The following SRRM2 variants were observed in gnomAD, a reference collection of about 807,000 sequenced individuals.
SRRM2 encodes serine/arginine repetitive matrix 2.
In SRRM2, 30 loss-of-function variants were observed where a neutral mutation model predicts 213.8. That is an observed-to-expected ratio of 0.14 (90% CI 0.10 to 0.19). The LOEUF is 0.19. Ranked by LOEUF, SRRM2 falls within the 10% of genes least tolerant of loss-of-function variation. SRRM2 has a pLI of 1.00. For synonymous variants in SRRM2, 2,025 were observed against 1,377.7 expected (o/e 1.47, Z -10.40); for missense variants, 4,904 against 3,647.0 (o/e 1.34, Z -8.88).
In SRRM2 at chr16:2,756,358, C is replaced by T. The variant is rs1178094599; in HGVS notation, c.-7C>T. ...GGAGCGGTGGTGCCCCCCCCGGGCA[C>T]GGGGCCATGTACAACGGGATCGGGC... On this transcript the variant is annotated 5_prime_UTR_variant, in exon 2 of 15. In the 5' UTR this introduces an upstream ATG that the reference lacks. Transcript: ENST00000301740. 3 of 1,595,186 alleles carry T rather than the reference C, an allele frequency of 1.9e-6. No homozygotes were observed. The highest frequency in any genetic ancestry group is 1.1e-5 in the South Asian group (1 of 89,824).
chr16:2,771,125 G>T lies in SRRM2; in HGVS notation c.*258G>T. 1 of 619,578 alleles carries T rather than the reference G, an allele frequency of 1.6e-6. No individual in the cohort carries two copies. The allele number at this position is 619,578 out of a possible 1,614,324, so 38.4% of individuals were successfully genotyped here. A position where few individuals can be genotyped will look rare whatever the true frequency, so the allele number is the denominator to read the frequency against. ...TGCAGATGGGAGTTGGGGGAGGGGA[G>T]GATACAGTTCAGGATACCCCAGCCT... On this transcript the variant is annotated 3_prime_UTR_variant, in exon 15 of 15. Transcript: ENST00000301740.
chr16:2,761,444 G>A, intron 10 of SRRM2, 117 bp from the exon 11 acceptor site: 1 of 751,700 alleles, frequency 1.3e-6, no homozygotes, highest in East Asian at 2.8e-5. Context: ...GTGATCGCTT[G>A]TGGTCAGAGG....
At chr16:2,760,557 CAT>C (rs746175797) in intron 10 of SRRM2, 58 bp downstream of exon 10, 82 of 1,581,090 alleles carry the variant, frequency 5.2e-5, no homozygotes, top group African/African-American at 1.5e-4. Flanking sequence ...TTAGGATAGA[CAT>C]GTGATGTGAA....
chr16:2,767,080 C>G lies in SRRM2; in HGVS notation c.6552C>G (p.Ala2184=). ...ENHAQSRIAL[A]LTAISLGTAR... The stretch of plus-strand genomic sequence containing the variant: ...ATGCTCAGTCCAGGATTGCACTTGC[C>G]CTGACAGCTATCAGTCTTGGCACCG... The change falls in exon 11 of 15, where the codon GCC becomes GCG. Residue 2184 remains alanine, a synonymous_variant. Transcript: ENST00000301740. The G allele has an allele frequency of 6.2e-7, 1 of 1,614,150 alleles. No homozygotes were observed. Among genetic ancestry groups the G allele is most frequent in the Non-Finnish European group, 8.5e-7 (1 of 1,180,038 alleles).
In SRRM2 at chr16:2,757,947, TATACAAGGCCAAGAA is replaced by T; in HGVS notation, c.515+4_515+18del. 1.9e-6 allele frequency: 3 copies of T among 1,606,482 alleles called. No homozygotes were observed. The highest frequency in any genetic ancestry group is 2.5e-6 in the Non-Finnish European group (3 of 1,176,920). The stretch of plus-strand genomic sequence containing the variant: ...TCCTGAGCCTCCCAAACCTTACAGG[TATACAAGGCCAAGAA>T]ACCACTGTCAGCTTCTTTTCTTGAT... On this transcript the variant is annotated splice_donor_5th_base_variant and intron_variant, in intron 4 of 14. Transcript: ENST00000301740.
intron 1 of SRRM2, among the ~76,000 whole-genome samples, chr16:2,753,088 G>A (rs1295089111): frequency 6.8e-6 from 1 of 146,922 alleles, no homozygotes; most frequent in East Asian, 2.2e-4. Flanking sequence ...GCCTGTACTC[G>A]GGTTCGCGAG....
In SRRM2 at chr16:2,770,921, C is replaced by T. The variant is rs1426988622; in HGVS notation, c.*54C>T. On this transcript the variant is annotated 3_prime_UTR_variant, in exon 15 of 15. Coordinates refer to ENST00000301740, the MANE Select transcript of SRRM2 (RefSeq NM_016333.4). The stretch of plus-strand genomic sequence containing the variant: ...AATGCTCTGGAGCCACAAGGAGTGT[C>T]CCTTCTTCCCCAGCAGAGCCGTGGG... 9 of 1,610,628 alleles carry T rather than the reference C, an allele frequency of 5.6e-6. No homozygotes were observed. Among genetic ancestry groups the T allele is most frequent in the African/African-American group, 1.3e-5 (1 of 74,872 alleles).
rs377144401 is a variant in SRRM2 at position 2,768,166 on chromosome 16, A to G, written c.7638A>G (p.Ser2546=). 3.7e-6 allele frequency: 6 copies of G among 1,609,484 alleles called. No homozygotes were observed. Among genetic ancestry groups the G allele is most frequent in the African/African-American group, 1.3e-5 (1 of 74,486 alleles). The change falls in exon 11 of 15, where the codon TCA becomes TCG. Residue 2546 remains serine (S), a synonymous_variant. Coordinates refer to ENST00000301740, the MANE Select transcript of SRRM2 (RefSeq NM_016333.4). ...SSSSSSSSSS[S]SSSSSSSSSS... ...CGTCCTCTAGCTCCTCCTCTTCTTC[A>G]TCATCGTCGTCGTCGTCCTCCTCCT...
chr16:2,770,266 T>G, intron 12 of SRRM2, 86 bp from the exon 13 acceptor site: 1 of 1,473,406 alleles, frequency 6.8e-7, no homozygotes, highest in Non-Finnish European at 9.0e-7. Context: ...TGAGGTTTGG[T>G]GGTCAGGACC....
chr16:2,766,568 A>T lies in SRRM2; in HGVS notation c.6040A>T (p.Thr2014Ser). 2.5e-6 allele frequency: 4 copies of T among 1,614,090 alleles called. No individual in the cohort carries two copies. Residue 2014 changes from threonine (T) to serine (S), a missense_variant, in exon 11 of 15, where the codon ACA becomes TCA. Transcript: ENST00000301740. This position sits in a 1 kb window ranked among gnomAD's most constrained non-coding sequence, Gnocchi z 7.0. ...GTCCCGCTCTCGAACCTCACCAGTG[A>T]CACGCCGCCGCTCTAGGTCCCGGAC... ...RRSRSRTSPV[T>S]RRRSRSRTPP...
Position 2,758,490 on chromosome 16 carries a change from G to C in SRRM2, c.536G>C (p.Ser179Thr), listed in dbSNP as rs1234839275. ...KPYSLVRESS[S>T]SRSPTPKQKK... ...CCTAGCCTTGTTCGGGAGTCTAGCA[G>C]TTCTCGCTCACCAACCCCAAAGCAG... The change falls in exon 5 of 15, where the codon AGT becomes ACT. Residue 179 changes from serine to threonine, a missense_variant. Transcript: ENST00000301740. 3 of 1,613,984 alleles carry C rather than the reference G, an allele frequency of 1.9e-6. No individual in the cohort carries two copies. Among genetic ancestry groups the C allele is most frequent in the African/African-American group, 2.7e-5 (2 of 74,874 alleles).
In SRRM2 at chr16:2,756,596, G is replaced by A. The variant is rs1280182365; in HGVS notation, c.232G>A (p.Glu78Lys). The change falls in exon 2 of 15, where the codon GAA becomes AAA. Residue 78 changes from glutamate to lysine, a missense_variant. Coordinates refer to ENST00000301740, the MANE Select transcript of SRRM2 (RefSeq NM_016333.4). ...LRCLELEEMM[E>K]EQGYEEQQIQ... The stretch of plus-strand genomic sequence containing the variant: ...ATGCCTCGAGCTGGAGGAGATGATG[G>A]AAGAGCAGGGGTGAGGGAGAGCTGG... 4 of 1,612,750 alleles carry A rather than the reference G, an allele frequency of 2.5e-6. No individual in the cohort carries two copies. Among genetic ancestry groups the A allele is most frequent in the Admixed American group, 3.3e-5 (2 of 59,922 alleles).
Position 2,756,384 on chromosome 16 carries a change from T to A in SRRM2, c.20T>A (p.Leu7Gln). ...GGGGCCATGTACAACGGGATCGGGC[T>A]GCCGACGCCCCGGGGCAGCGGCACC... is the stretch of plus-strand genomic sequence containing the variant. MYNGIG[L>Q]PTPRGSGTNG... Residue 7 changes from leucine to glutamine, a missense_variant, in exon 2 of 15, where the codon CTG (leucine) becomes CAG (glutamine). Physicochemically the swap from Leu to Gln is moderately radical, Grantham distance 113. Transcript: ENST00000301740. The A allele has an allele frequency of 6.2e-7, 1 of 1,607,062 alleles. No homozygotes were observed. Among genetic ancestry groups the A allele is most frequent in the Non-Finnish European group, 8.5e-7 (1 of 1,177,822 alleles).
chr16:2,757,744 T>C (rs372022889), intron 3 of SRRM2, 37 bp from the exon 4 acceptor site: 1 of 1,610,148 alleles, frequency 6.2e-7, no homozygotes, highest in Non-Finnish European at 8.5e-7. Context: ...CTCTGTCCTT[T>C]ATATTTCCTT....
chr16:2,754,567 G>A (rs2068075300), intron 1 of SRRM2, among the ~76,000 whole-genome samples: 1 of 152,142 alleles, frequency 6.6e-6, no homozygotes, highest in South Asian at 2.1e-4. Context: ...AGGTGTTACA[G>A]GCGTGAGCCA....
At chr16:2,758,324 T>TG in intron 4 of SRRM2, 146 bp from the exon 5 acceptor site, 1 of 752,078 alleles carries the variant, frequency 1.3e-6, no homozygotes, top group Non-Finnish European at 2.2e-6. Context: ...TGAGCTGTGT[T>TG]GCTGCCACTG....
rs756626532 is a variant in SRRM2 at position 2,762,435 on chromosome 16, G to A, written c.1907G>A (p.Arg636His). ...CGATCACCAGTACGACGCAGGTCTC[G>A]TAGTAGATCACCAGCCAGGAGAAGT... is the stretch of plus-strand genomic sequence containing the variant. The part of the protein sequence containing the change: ...RTRSPVRRRS[R>H]SRSPARRSGR... Residue 636 changes from arginine (R) to histidine (H), a missense_variant, in exon 11 of 15, where the codon CGT becomes CAT. Arg to His is a conservative substitution (Grantham distance 29). Coordinates refer to ENST00000301740, the MANE Select transcript of SRRM2 (RefSeq NM_016333.4). The A allele has an allele frequency of 9.7e-5, 156 of 1,613,758 alleles. No individual in the cohort carries two copies. The highest frequency in any genetic ancestry group is 1.3e-4 in the Non-Finnish European group (152 of 1,179,974).
rs1454636693 is a variant in SRRM2, at chr16:2,764,613, A to G, written c.4085A>G (p.Gln1362Arg). 2 of 1,614,218 alleles carry G rather than the reference A, an allele frequency of 1.2e-6. No homozygotes were observed. The highest frequency in any genetic ancestry group is 1.1e-5 in the South Asian group (1 of 91,072). The change falls in exon 11 of 15, where the codon CAG (glutamine) becomes CGG (arginine). Residue 1362 changes from glutamine (Q) to arginine (R), a missense_variant. Coordinates refer to ENST00000301740, the MANE Select transcript of SRRM2 (RefSeq NM_016333.4). The part of the protein sequence containing the change: ...KEDLNGPFLN[Q>R]LETDPSLDMK... ...GATTTGAATGGACCGTTTCTTAATC[A>G]GCTGGAAACAGATCCATCTCTAGAC...
chr16:2,769,662 C>T, intron 12 of SRRM2: 1 of 534,904 alleles, frequency 1.9e-6, no homozygotes, highest in South Asian at 1.5e-5. Flanking sequence ...ACGCCATTCT[C>T]TTCCACATGT....
Sources: gnomAD v4.1 joint callset for allele counts (sites outside exome capture counted in the v4.1 genomes callset) on GRCh38, gnomAD v4.1.1 for gene constraint, Gnocchi (gnomAD v3.1) non-coding constraint, MANE v1.5 for transcripts, NCBI Gene and HGNC (gene_info 2026-07-23, HGNC 2026-07-21) for gene names.